Variants in NRG1 observed in about 807,000 individuals in gnomAD.
NRG1 encodes pro-neuregulin-1, membrane-bound isoform.
Under a neutral mutation model 63.8 loss-of-function variants are expected in NRG1, and 18 were observed. The observed-to-expected ratio is 0.28, with a 90% CI of 0.19 to 0.42. The LOEUF is 0.42. Among genes scored for constraint, NRG1 ranks in the 10% least tolerant of loss-of-function variants. The pLI is 1.00. For missense variants in NRG1, 762 were observed against 814.7 expected (o/e 0.94, Z 0.79); for synonymous variants, 302 against 301.3 (o/e 1.00, Z -0.02).
At chr8:32,125,622 G>T (rs957810933) in intron 1 of NRG1, among the ~76,000 whole-genome samples, 2 of 151,800 alleles carry the variant, frequency 1.3e-5, no homozygotes, top group Non-Finnish European at 2.9e-5. Flanking sequence ...CAGCCTCTCT[G>T]CTTCTACCTA....
chr8:32,054,886 T>C (rs1392757829), intron 1 of NRG1, among the ~76,000 whole-genome samples: 4 of 101,790 alleles, frequency 3.9e-5, no homozygotes, highest in African/African-American at 1.9e-4. Flanking sequence ...TTTTTTTTTT[T>C]TTTTTTTTTT....
chr8:32,266,228 A>G (rs910975690), intron 1 of NRG1, among the ~76,000 whole-genome samples: 5 of 152,298 alleles, frequency 3.3e-5, no homozygotes, highest in Non-Finnish European at 5.9e-5. Context: ...GTTTTCATAT[A>G]AAAACTTTCT....
rs139917644 is a variant in NRG1, at chr8:32,196,300, C to T, written c.38-399528C>T. On this transcript the variant is annotated intron_variant, in intron 1 of 10. Transcript: ENST00000519301. Reference sequence around the variant, plus strand: ...GGAGGTCCCACTCTCAGAGCAATTACGGAAGAAGGGTAGAGGAAATCATGC... The same window carrying T: ...GGAGGTCCCACTCTCAGAGCAATTATGGAAGAAGGGTAGAGGAAATCATGC... 2.9e-4 allele frequency among the ~76,000 whole-genome samples: 44 copies of T among 152,106 alleles called. 1 individual carries two copies. The highest frequency in any genetic ancestry group is 1.5e-3 in the East Asian group (8 of 5,170).
At chr8:32,304,479 A>G (rs1855969722) in intron 1 of NRG1, among the ~76,000 whole-genome samples, 1 of 152,174 alleles carries the variant, frequency 6.6e-6, no homozygotes, top group African/African-American at 2.4e-5. Flanking sequence ...ATAAATTTAT[A>G]TAGAGCAGAT....
chr8:32,443,692 A>G (rs547093663), intron 1 of NRG1, among the ~76,000 whole-genome samples: 1 of 152,270 alleles, frequency 6.6e-6, no homozygotes, highest in East Asian at 1.9e-4. Context: ...TTCTCCTACA[A>G]TAGGAACTAG....
At chr8:32,006,636 G>A (rs548099300) in intron 1 of NRG1, among the ~76,000 whole-genome samples, 2 of 152,128 alleles carry the variant, frequency 1.3e-5, no homozygotes, top group East Asian at 3.9e-4. Flanking sequence ...AGCCACATGA[G>A]AAGGAAGGTG....
chr8:31,715,684 G>A (rs1233696306), intron 1 of NRG1, among the ~76,000 whole-genome samples: 1 of 152,176 alleles, frequency 6.6e-6, no homozygotes, highest in Admixed American at 6.5e-5. Flanking sequence ...AAGGAACTGT[G>A]TTGGGTGCGG....
chr8:31,714,375 G>T (rs1032610903), intron 1 of NRG1, among the ~76,000 whole-genome samples: 3 of 152,092 alleles, frequency 2.0e-5, no homozygotes, highest in African/African-American at 7.2e-5. Flanking sequence ...AAAATGAAGT[G>T]TGGATTTTTA....
chr8:32,268,042 T>A (rs572340207), intron 1 of NRG1, among the ~76,000 whole-genome samples: 2 of 152,058 alleles, frequency 1.3e-5, no homozygotes, highest in Non-Finnish European at 2.9e-5. Flanking sequence ...AAGATTGGAG[T>A]GCATGTCTTG....
chr8:31,933,165 C>T (rs978523091), intron 1 of NRG1, among the ~76,000 whole-genome samples: 2 of 152,068 alleles, frequency 1.3e-5, no homozygotes, highest in Non-Finnish European at 2.9e-5. Context: ...ACAATCTACT[C>T]GTGTTTTTTA....
At chr8:32,620,521 G>GAAAA (rs57462564) in intron 5 of NRG1, among the ~76,000 whole-genome samples, 6 of 122,204 alleles carry the variant, frequency 4.9e-5, no homozygotes, top group Non-Finnish European at 6.9e-5. Flanking sequence ...TGGATTAGAA[G>GAAAA]AAAAAAAAAA....
At chr8:32,490,153 A>G (rs543212497) in intron 1 of NRG1, among the ~76,000 whole-genome samples, 214 of 152,178 alleles carry the variant, frequency 1.4e-3, no homozygotes, top group African/African-American at 5.0e-3. Flanking sequence ...AAAATAAACA[A>G]AATTAGCTGG....
chr8:32,161,472 C>G (rs1014602217), intron 1 of NRG1, among the ~76,000 whole-genome samples: 1 of 151,996 alleles, frequency 6.6e-6, no homozygotes. Flanking sequence ...ATTGGAGCAT[C>G]CTCGGGTGAA....
chr8:31,872,316 T>A (rs931105927), intron 1 of NRG1, among the ~76,000 whole-genome samples: 1 of 152,230 alleles, frequency 6.6e-6, no homozygotes, highest in Admixed American at 6.5e-5. Context: ...TTTACCATTT[T>A]TTTTTATTGG....
At chr8:31,711,367 G>T (rs1452692115) in intron 1 of NRG1, among the ~76,000 whole-genome samples, 1 of 152,076 alleles carries the variant, frequency 6.6e-6, no homozygotes, top group Admixed American at 6.5e-5. Flanking sequence ...CTTTTTCTGA[G>T]GATCTTGTAG....
chr8:32,004,122 AGCCAGTCTGAAAAG>A (rs1330706797), intron 1 of NRG1, among the ~76,000 whole-genome samples: 1 of 151,964 alleles, frequency 6.6e-6, no homozygotes. Flanking sequence ...AAGTGGCAGA[AGCCAGTCTGAAAAG>A]GCTGTATGAT....
At chr8:32,350,446 T>TG (rs1805456379) in intron 1 of NRG1, among the ~76,000 whole-genome samples, 1 of 152,148 alleles carries the variant, frequency 6.6e-6, no homozygotes, top group Non-Finnish European at 1.5e-5. Flanking sequence ...CTTTGTTAGT[T>TG]TACAACTAAC....
chr8:31,685,389 A>G (rs1233137930), intron 1 of NRG1, among the ~76,000 whole-genome samples: 1 of 152,290 alleles, frequency 6.6e-6, no homozygotes, highest in African/African-American at 2.4e-5. Context: ...ACATTTGGGG[A>G]CAGTAATAAA....
chr8:32,694,342 A>C (rs1319443497), intron 5 of NRG1, among the ~76,000 whole-genome samples: 1 of 151,782 alleles, frequency 6.6e-6, no homozygotes, highest in Non-Finnish European at 1.5e-5. Context: ...AAGTGTTCCA[A>C]TTTAAGTGTG....
Sources: allele counts gnomAD v4.1 joint callset (sites outside exome capture counted in the v4.1 genomes callset), GRCh38; gene constraint gnomAD v4.1.1; transcripts MANE v1.5; gene names NCBI Gene and HGNC (gene_info 2026-07-23, HGNC 2026-07-21).